ANKS1B: variants seen among roughly 807,000 people sequenced by gnomAD.
ANKS1B encodes the protein ankyrin repeat and sterile alpha motif domain containing 1B.
A neutral mutation model predicts 148.3 loss-of-function variants in ANKS1B; 36 were observed. That is an observed-to-expected ratio of 0.24 (90% confidence interval 0.19 to 0.32). ANKS1B has a LOEUF of 0.32. ANKS1B is among the 10% of genes least tolerant of loss of function. The pLI is 1.00. For missense variants in ANKS1B, 1,157 were observed against 1,542.6 expected (o/e 0.75, Z 4.19); for synonymous variants, 542 against 560.8 (o/e 0.97, Z 0.47).
chr12:99,832,360 G>A (rs1187787927), intron 1 of ANKS1B, among the ~76,000 whole-genome samples: 1 of 152,050 alleles, frequency 6.6e-6, no homozygotes, highest in Admixed American at 6.5e-5. Flanking sequence ...GGCTGAGGCG[G>A]GCGGATCACC....
intron 12 of ANKS1B, among the ~76,000 whole-genome samples, chr12:99,288,501 AACAG>A (rs2079450538): frequency 6.6e-6 from 1 of 152,186 alleles, no homozygotes; most frequent in Non-Finnish European, 1.5e-5. Context: ...ATAATAAATA[AACAG>A]ACAAACACGT....
intron 22 of ANKS1B, among the ~76,000 whole-genome samples, chr12:98,785,554 T>C (rs943686796): frequency 6.6e-6 from 1 of 152,128 alleles, no homozygotes; most frequent in African/African-American, 2.4e-5. Flanking sequence ...AGGCAAGAAA[T>C]CTAGTAAGTG....
At chr12:98,897,519 T>TA (rs1350280051) in intron 17 of ANKS1B, among the ~76,000 whole-genome samples, 1 of 152,116 alleles carries the variant, frequency 6.6e-6, no homozygotes, top group Admixed American at 6.5e-5. Flanking sequence ...CACAATGAGA[T>TA]AGTCTCACAC....
chr12:99,184,641 T>C (rs943513679), intron 14 of ANKS1B, among the ~76,000 whole-genome samples: 3 of 152,214 alleles, frequency 2.0e-5, no homozygotes, highest in Non-Finnish European at 4.4e-5. Context: ...GTTGTTAATT[T>C]TTGGAGTTCA....
chr12:99,403,717 G>T, intron 11 of ANKS1B, among the ~76,000 whole-genome samples: 1 of 145,390 alleles, frequency 6.9e-6, no homozygotes, highest in Middle Eastern at 3.5e-3. Flanking sequence ...GTTTAAATTA[G>T]TTCAACCATG....
intron 8 of ANKS1B, among the ~76,000 whole-genome samples, chr12:99,693,727 A>G (rs567529944): frequency 6.6e-6 from 1 of 152,094 alleles, no homozygotes; most frequent in Non-Finnish European, 1.5e-5. Context: ...AGAGTTATTC[A>G]TAAGTTAAAT....
At chr12:99,772,792 A>G in intron 8 of ANKS1B, 130 bp downstream of exon 8, 1 of 956,110 alleles carries the variant, frequency 1.0e-6, no homozygotes, top group Admixed American at 3.4e-5. Context: ...CGTCAGGAAA[A>G]GAGCAATAAG....
At chr12:99,140,685 G>A (rs544605505) in intron 15 of ANKS1B, among the ~76,000 whole-genome samples, 1 of 152,246 alleles carries the variant, frequency 6.6e-6, no homozygotes, top group East Asian at 1.9e-4. Context: ...ACACCAAGTA[G>A]GTAAAGAACC....
At chr12:99,619,890 G>T (rs1479757900) in intron 9 of ANKS1B, among the ~76,000 whole-genome samples, 3 of 152,164 alleles carry the variant, frequency 2.0e-5, no homozygotes, top group Non-Finnish European at 4.4e-5. Flanking sequence ...AGACCTGCCT[G>T]TTCCAGTACC....
chr12:99,849,591 T>C (rs1220810094), intron 1 of ANKS1B, among the ~76,000 whole-genome samples: 1 of 152,084 alleles, frequency 6.6e-6, no homozygotes, highest in Non-Finnish European at 1.5e-5. Flanking sequence ...TTCATAATAG[T>C]GCAAAACTGT....
chr12:99,120,546 G>C (rs187395270), intron 15 of ANKS1B, among the ~76,000 whole-genome samples: 1 of 152,302 alleles, frequency 6.6e-6, no homozygotes, highest in Admixed American at 6.5e-5. Context: ...CATTGGTTTA[G>C]AAACCAGATA....
rs751060273 is a variant in ANKS1B, at chr12:98,870,887, T to C, written c.2779-38751A>G. On this transcript the variant is annotated intron_variant, in intron 17 of 26. Transcript: ENST00000683438. ...CGACAGTAACAAGAAAGGTCCCTTA[T>C]AGATGATTTTGTAAGAGGAGACATA... Among the ~76,000 whole-genome samples the C allele has an allele frequency of 1.6e-4, 24 of 152,210 alleles. 1 individual carries two copies. Among genetic ancestry groups the C allele is most frequent in the South Asian group, 2.1e-4 (1 of 4,830 alleles).
chr12:99,796,415 A>G (rs2066261415), intron 4 of ANKS1B, among the ~76,000 whole-genome samples: 1 of 151,988 alleles, frequency 6.6e-6, no homozygotes, highest in Non-Finnish European at 1.5e-5. Context: ...CGGCAGGGGT[A>G]GGGGGAACTA....
At chr12:99,668,137 T>C (rs1484543494) in intron 8 of ANKS1B, among the ~76,000 whole-genome samples, 3 of 152,186 alleles carry the variant, frequency 2.0e-5, no homozygotes, top group African/African-American at 4.8e-5. Flanking sequence ...TGGGGAAGAA[T>C]TTCATTATGA....
intron 8 of ANKS1B, among the ~76,000 whole-genome samples, chr12:99,720,092 T>G (rs1420630878): frequency 1.3e-5 from 2 of 152,176 alleles, no homozygotes; most frequent in Non-Finnish European, 2.9e-5. Context: ...CACTAGCCCA[T>G]CTCTTAGAAC....
rs2064391247 is a variant in ANKS1B at position 99,782,106 on chromosome 12, A to C, written c.670-9T>G. The C allele has an allele frequency of 6.3e-7, 1 of 1,583,992 alleles. No homozygotes were observed. ...GCACTCCCCTTTTCTGTCTGGAAAAAAAAAAGTAAGAAAAAAGAAAGCACG... is the reference window on the plus strand; with the variant it reads ...GCACTCCCCTTTTCTGTCTGGAAAACAAAAAGTAAGAAAAAAGAAAGCACG... On this transcript the variant is annotated splice_polypyrimidine_tract_variant and intron_variant, in intron 4 of 26. Transcript: ENST00000683438.
intron 10 of ANKS1B, among the ~76,000 whole-genome samples, chr12:99,503,724 T>G (rs1003928472): frequency 3.9e-5 from 6 of 152,016 alleles, no homozygotes; most frequent in African/African-American, 1.4e-4. Flanking sequence ...CCACATCACT[T>G]CTAAAATTTA....
chr12:99,758,772 A>C (rs1460508936), intron 8 of ANKS1B, among the ~76,000 whole-genome samples: 1 of 151,876 alleles, frequency 6.6e-6, no homozygotes, highest in East Asian at 1.9e-4. Context: ...AAATTAGTGT[A>C]ATTCTTTAAT....
chr12:99,669,417 A>G (rs956851742), intron 8 of ANKS1B, among the ~76,000 whole-genome samples: 2 of 151,880 alleles, frequency 1.3e-5, no homozygotes, highest in African/African-American at 4.8e-5. Context: ...AGTTTAATTC[A>G]TTCAAGGCTT....
Sources: allele counts gnomAD v4.1 joint callset (sites outside exome capture counted in the v4.1 genomes callset), GRCh38; gene constraint gnomAD v4.1.1; transcripts MANE v1.5; gene names NCBI Gene and HGNC (gene_info 2026-07-23, HGNC 2026-07-21).